Variants in TMEM38A observed in about 807,000 individuals in gnomAD.
TMEM38A encodes the protein transmembrane protein 38A, also known as trimeric intracellular cation channel type A.
In TMEM38A, 17 loss-of-function variants were observed where a neutral mutation model predicts 28.6. That is an observed-to-expected ratio of 0.60 (90% CI 0.41 to 0.89). TMEM38A has a LOEUF of 0.89. Among genes scored for constraint, TMEM38A ranks in the 40% least tolerant of loss-of-function variants. The pLI, the probability that TMEM38A is intolerant of heterozygous loss-of-function variation, is 0.00. For synonymous variants in TMEM38A, 169 were observed against 166.1 expected (o/e 1.02, Z -0.14); for missense variants, 328 against 393.1 (o/e 0.83, Z 1.40).
chr19:16,673,969 G>C (rs1054476065), intron 1 of TMEM38A, among the ~76,000 whole-genome samples: 11 of 151,978 alleles, frequency 7.2e-5, no homozygotes, highest in Non-Finnish European at 1.2e-4. Context: ...CAGGCATGGT[G>C]GCACACGTCT....
Position 16,689,400 on chromosome 19 carries a change from G to A in TMEM38A, c.*1029G>A, listed in dbSNP as rs1296851328. On this transcript the variant is annotated 3_prime_UTR_variant, in exon 6 of 6. Coordinates refer to ENST00000187762, the MANE Select transcript of TMEM38A (RefSeq NM_024074.4). ...TTTGCATTTTAGATCATTCGTGTGT[G>A]TGGATCAGAGAAACGCACAAGTTCC... 1.3e-5 allele frequency: 2 copies of A among 152,266 alleles called. No homozygotes were observed. The highest frequency in any genetic ancestry group is 2.9e-5 in the Non-Finnish European group (2 of 68,084). The allele number at this position is 152,266 out of a possible 1,614,324, so 9.4% of individuals were successfully genotyped here.
At chr19:16,672,745 C>T (rs141155560) in intron 1 of TMEM38A, among the ~76,000 whole-genome samples, 59 of 152,090 alleles carry the variant, frequency 3.9e-4, no homozygotes, top group Middle Eastern at 3.4e-3. Flanking sequence ...CCACTGAGCC[C>T]GGCCATAAGT....
At chr19:16,670,482 C>T (rs763885912) in intron 1 of TMEM38A, among the ~76,000 whole-genome samples, 1 of 152,038 alleles carries the variant, frequency 6.6e-6, no homozygotes, top group Admixed American at 6.6e-5. Flanking sequence ...CTGAAATTTC[C>T]ACCCACAGGT....
chr19:16,675,322 C>T (rs1396865760), intron 1 of TMEM38A, among the ~76,000 whole-genome samples: 3 of 152,090 alleles, frequency 2.0e-5, no homozygotes, highest in Non-Finnish European at 4.4e-5. Context: ...CAGCCTCAAC[C>T]TTCCAGGCTC....
chr19:16,680,060 C>G lies in TMEM38A; in HGVS notation c.201C>G (p.Ile67Met). The G allele has an allele frequency of 6.2e-7, 1 of 1,611,580 alleles. No homozygotes were observed. The highest frequency in any genetic ancestry group is 8.5e-7 in the Non-Finnish European group (1 of 1,180,012). ...TGCTGCATTGCTTCGGGAGCTACAT[C>G]CTGGCTGATCTGCTCCTTGGGGAGC... Reference protein sequence around the residue: ...CAMLHCFGSYILADLLLGEPL... With the variant: ...CAMLHCFGSYMLADLLLGEPL... Residue 67 changes from isoleucine to methionine, a missense_variant, in exon 2 of 6, where the codon ATC becomes ATG. Physicochemically the swap from Ile to Met is conservative, Grantham distance 10. Coordinates refer to ENST00000187762, the MANE Select transcript of TMEM38A (RefSeq NM_024074.4).
rs1262519175 is a variant in TMEM38A at position 16,686,286 on chromosome 19, A to T, written c.555-2A>T. 2 of 1,611,512 alleles carry T rather than the reference A, an allele frequency of 1.2e-6. No homozygotes were observed. On this transcript the variant is annotated splice_acceptor_variant, in intron 4 of 5. Coordinates refer to ENST00000187762, the MANE Select transcript of TMEM38A (RefSeq NM_024074.4). LOFTEE classifies it high-confidence loss of function. ...CCCGGTAATGACAGCTGCTCCCTCC[A>T]GCCCCACCAAGGCCAGCCTGTATGG...
chr19:16,677,681 C>T lies in TMEM38A; in HGVS notation c.125-2303C>T, dbSNP rs547795311. ...AAGTGATCTTCCTACCTCAGCTTCCCGAGTAGCTGGGACTACAGAAGCATG... is the reference window on the plus strand; with the variant it reads ...AAGTGATCTTCCTACCTCAGCTTCCTGAGTAGCTGGGACTACAGAAGCATG... On this transcript the variant is annotated intron_variant, in intron 1 of 5. Transcript: ENST00000187762. Among the ~76,000 whole-genome samples, 62 of 148,972 alleles carry T rather than the reference C, an allele frequency of 4.2e-4. 1 individual carries two copies. Among genetic ancestry groups the T allele is most frequent in the African/African-American group, 1.4e-3 (56 of 39,658 alleles).
intron 1 of TMEM38A, among the ~76,000 whole-genome samples, chr19:16,664,478 A>G (rs1404024695): frequency 6.6e-6 from 1 of 152,100 alleles, no homozygotes; most frequent in African/African-American, 2.4e-5. Context: ...TGTTAGTCCC[A>G]GTTTGGTGTG....
chr19:16,681,709 C>A (rs1194017091), intron 3 of TMEM38A, among the ~76,000 whole-genome samples: 1 of 152,138 alleles, frequency 6.6e-6, no homozygotes, highest in Non-Finnish European at 1.5e-5. Context: ...CCTCCCTGGC[C>A]TCGACTCACT....
At chr19:16,678,341 A>C (rs995163122) in intron 1 of TMEM38A, among the ~76,000 whole-genome samples, 14 of 151,052 alleles carry the variant, frequency 9.3e-5, no homozygotes, top group Middle Eastern at 3.5e-3. Context: ...AGGCAGGAGA[A>C]TCACTTGAAC....
chr19:16,686,201 G>A, intron 4 of TMEM38A, 87 bp from the exon 5 acceptor site: 2 of 886,976 alleles, frequency 2.3e-6, no homozygotes, highest in African/African-American at 1.7e-5. Context: ...ATGGGAGCTG[G>A]TGCCAGGGCA....
rs577558284 is a variant in TMEM38A at position 16,684,849 on chromosome 19, T to C, written c.555-1439T>C. ...AGGCCAGGAGTTCAAGACCAGCCTA[T>C]GCAATAGAACAAGACTCCATCTCTA... On this transcript the variant is annotated intron_variant, in intron 4 of 5. Transcript: ENST00000187762. Among the ~76,000 whole-genome samples the C allele has an allele frequency of 2.8e-5, 4 of 142,082 alleles. No individual in the cohort carries two copies. In the East Asian group the frequency reaches 8.2e-4, roughly 29 times the overall value. The allele number at this position is 142,082 out of a possible 152,430, so 93.2% of individuals were successfully genotyped here. A position where few individuals can be genotyped will look rare whatever the true frequency, so the allele number is the denominator to read the frequency against.
intron 1 of TMEM38A, among the ~76,000 whole-genome samples, chr19:16,671,200 G>GGTTTTTTTT (rs1568313636): frequency 8.9e-6 from 1 of 112,910 alleles, no homozygotes; most frequent in African/African-American, 5.1e-5. Context: ...AAGGACCTGG[G>GGTTTTTTTT]CTTTTTTTTT....
chr19:16,663,546 T>TG (rs2086691126), intron 1 of TMEM38A, among the ~76,000 whole-genome samples: 2 of 151,230 alleles, frequency 1.3e-5, no homozygotes, highest in South Asian at 4.2e-4. Context: ...TTTTTTTTTT[T>TG]GAAACGGAGT....
chr19:16,688,193 A>G lies in TMEM38A; in HGVS notation c.722A>G (p.Glu241Gly). Residue 241 changes from glutamate (E) to glycine (G), a missense_variant, in exon 6 of 6, where the codon GAG becomes GGG. Coordinates refer to ENST00000187762, the MANE Select transcript of TMEM38A (RefSeq NM_024074.4). ...HSHSSPFDAL[E>G]GYICPVLFGS... Reference sequence around the variant, plus strand: ...CACAGCTCCCCCTTTGATGCCCTGGAGGGCTACATCTGCCCCGTGCTGTTT... The same window carrying G: ...CACAGCTCCCCCTTTGATGCCCTGGGGGGCTACATCTGCCCCGTGCTGTTT... The G allele has an allele frequency of 6.7e-7, 1 of 1,503,104 alleles. No homozygotes were observed. Among genetic ancestry groups the G allele is most frequent in the Non-Finnish European group, 8.9e-7 (1 of 1,119,262 alleles). The allele number at this position is 1,503,104 out of a possible 1,614,324, so 93.1% of individuals were successfully genotyped here.
At position 16,685,718 on chromosome 19, in the gene TMEM38A, C is replaced by T. The variant is rs544359484; in HGVS notation, c.555-570C>T. On this transcript the variant is annotated intron_variant, in intron 4 of 5. Coordinates refer to ENST00000187762, the MANE Select transcript of TMEM38A (RefSeq NM_024074.4). ...GTTACTACCTGGTGTGGCCCAAGGC[C>T]GTCCTCAGGCAAACAAAGACAGTCT... Among the ~76,000 whole-genome samples the T allele has an allele frequency of 4.5e-4, 68 of 152,288 alleles. 1 individual carries two copies. In the South Asian group the frequency reaches 0.014, roughly 31 times the overall value.
Position 16,661,377 on chromosome 19 carries a change from C to A in TMEM38A, c.124+36C>A. ...GCGGGGGGCTGGAGGGGACCGGCAG[C>A]GGGTGGCGCGGGCCGGGGCAGCTCG... On this transcript the variant is annotated intron_variant, in intron 1 of 5. Coordinates refer to ENST00000187762, the MANE Select transcript of TMEM38A (RefSeq NM_024074.4). This position sits in a 1 kb window ranked among gnomAD's most constrained non-coding sequence, Gnocchi z 6.5. 7.1e-7 allele frequency: 1 copy of A among 1,399,386 alleles called. No homozygotes were observed. The highest frequency in any genetic ancestry group is 1.3e-5 in the South Asian group (1 of 77,262). The allele number at this position is 1,399,386 out of a possible 1,614,324, so 86.7% of individuals were successfully genotyped here.
chr19:16,668,001 A>G (rs7248343), intron 1 of TMEM38A, among the ~76,000 whole-genome samples: 37,500 of 151,830 alleles, frequency 0.25, 7,387 homozygotes, highest in African/African-American at 0.55. Flanking sequence ...CTGAAGTCAG[A>G]AGTTTGAGAC....
In TMEM38A at chr19:16,661,386, C is replaced by T. The variant is rs750012014; in HGVS notation, c.124+45C>T. On this transcript the variant is annotated intron_variant, in intron 1 of 5. Coordinates refer to ENST00000187762, the MANE Select transcript of TMEM38A (RefSeq NM_024074.4). The surrounding 1 kb of genome is among the most constrained non-coding windows in gnomAD (Gnocchi z 6.5). Reference sequence around the variant, plus strand: ...TGGAGGGGACCGGCAGCGGGTGGCGCGGGCCGGGGCAGCTCGGGGGTCGCA... The same window carrying T: ...TGGAGGGGACCGGCAGCGGGTGGCGTGGGCCGGGGCAGCTCGGGGGTCGCA... The T allele has an allele frequency of 8.4e-6, 12 of 1,436,218 alleles. No homozygotes were observed. In the South Asian group the frequency reaches 1.2e-4, roughly 14 times the overall value. The allele number at this position is 1,436,218 out of a possible 1,614,324, so 89.0% of individuals were successfully genotyped here.
Sources: allele counts gnomAD v4.1 joint callset (sites outside exome capture counted in the v4.1 genomes callset), GRCh38; gene constraint gnomAD v4.1.1; non-coding constraint Gnocchi (gnomAD v3.1); transcripts MANE v1.5; gene names NCBI Gene and HGNC (gene_info 2026-07-23, HGNC 2026-07-21).